TTC6: variants seen among roughly 807,000 people sequenced by gnomAD.
TTC6 encodes the protein tetratricopeptide repeat protein 6.
A neutral mutation model predicts 210.4 loss-of-function variants in TTC6; 172 were observed. That is an observed-to-expected ratio of 0.82 (90% confidence interval 0.72 to 0.93). The LOEUF is 0.93. Ranked by LOEUF, TTC6 falls within the 40% of genes least tolerant of loss-of-function variation. The pLI, the probability that TTC6 is intolerant of heterozygous loss-of-function variation, is 0.00. For synonymous variants in TTC6, 804 were observed against 819.6 expected, an observed-to-expected ratio of 0.98 and a Z score of 0.32; for missense variants, 2,414 against 2,318.1, an observed-to-expected ratio of 1.04 and a Z score of -0.85.
chr14:37,748,952 G>C, exon 11 of TTC6: 7 of 1,487,478 alleles, frequency 4.7e-6, no homozygotes, highest in Non-Finnish European at 6.2e-6. Context: ...AGCATCTCAT[G>C]GAATACTTCC....
At chr14:37,782,115 CTT>C (rs1187687681) in intron 14 of TTC6, among the ~76,000 whole-genome samples, 1 of 152,042 alleles carries the variant, frequency 6.6e-6, no homozygotes, top group East Asian at 1.9e-4. Context: ...TGCGGGCTCT[CTT>C]TTGGTTCCAT....
chr14:37,780,787 A>G (rs553141531), intron 14 of TTC6, among the ~76,000 whole-genome samples: 1 of 151,810 alleles, frequency 6.6e-6, no homozygotes, highest in African/African-American at 2.4e-5. Flanking sequence ...CTAGCCTCCC[A>G]CCCACCATGG....
At chr14:37,644,612 G>A (rs1270508007) in intron 1 of TTC6, among the ~76,000 whole-genome samples, 3 of 152,178 alleles carry the variant, frequency 2.0e-5, no homozygotes, top group Admixed American at 6.5e-5. Context: ...AAATAACGAG[G>A]TAGTTTCTGA....
upstream of TTC6, among the ~76,000 whole-genome samples, chr14:37,621,231 C>A (rs1463476329): frequency 6.6e-6 from 1 of 152,156 alleles, no homozygotes; most frequent in East Asian, 1.9e-4. Context: ...ACAGACCCTT[C>A]ATTTTTCTTT....
chr14:37,781,731 G>A (rs1474088654), intron 14 of TTC6, among the ~76,000 whole-genome samples: 1 of 152,104 alleles, frequency 6.6e-6, no homozygotes, highest in African/African-American at 2.4e-5. Flanking sequence ...TAATGCCTAG[G>A]TTTTCTTCTA....
At position 37,606,937 on chromosome 14, in the gene TTC6, A is replaced by G. The variant is rs1431668439; in HGVS notation, c.-155+195A>G. ...TGAGTTTATTTGCATTACATTTGCC[A>G]TTTTAATTTGCTGATTTGCATTTGA... On this transcript the variant is annotated intron_variant, in intron 2 of 2. Transcript: ENST00000556845. Among the ~76,000 whole-genome samples the G allele has an allele frequency of 2.6e-5, 4 of 152,204 alleles. No homozygotes were observed. In the East Asian group the frequency reaches 7.7e-4, roughly 29 times the overall value.
intron 1 of TTC6, among the ~76,000 whole-genome samples, chr14:37,602,201 G>A (rs2095616958): frequency 6.6e-6 from 1 of 152,224 alleles, no homozygotes; most frequent in Non-Finnish European, 1.5e-5. Context: ...CCTCTTAGCT[G>A]GCCGTGGCGG....
chr14:37,730,590 CCTTT>C (rs551613871), intron 7 of TTC6, among the ~76,000 whole-genome samples: 216 of 152,232 alleles, frequency 1.4e-3, no homozygotes, highest in Non-Finnish European at 2.4e-3. Context: ...TACATCATTT[CCTTT>C]CTTCTAATCA....
At chr14:37,626,846 A>C (rs1017401862) in intron 1 of TTC6, among the ~76,000 whole-genome samples, 1 of 152,210 alleles carries the variant, frequency 6.6e-6, no homozygotes, top group Non-Finnish European at 1.5e-5. Context: ...ACTCCAGCTA[A>C]ATACTGCGGA....
intron 1 of TTC6, among the ~76,000 whole-genome samples, chr14:37,677,073 A>T (rs962145127): frequency 6.6e-6 from 1 of 151,936 alleles, no homozygotes; most frequent in Non-Finnish European, 1.5e-5. Flanking sequence ...GAATTTTAGG[A>T]TCAGTTTTTC....
At chr14:37,605,352 T>A (rs2095623209) in intron 1 of TTC6, among the ~76,000 whole-genome samples, 1 of 152,212 alleles carries the variant, frequency 6.6e-6, no homozygotes, top group African/African-American at 2.4e-5. Context: ...AGTTTCTGAA[T>A]TCTGCTTCAC....
intron 1 of TTC6, among the ~76,000 whole-genome samples, chr14:37,670,834 A>G (rs1266883562): frequency 6.6e-6 from 1 of 152,124 alleles, no homozygotes; most frequent in Admixed American, 6.6e-5. Context: ...GCTAAGAAAA[A>G]TTATGCAATA....
At chr14:37,603,977 C>A (rs1055559354) in intron 1 of TTC6, among the ~76,000 whole-genome samples, 2 of 152,142 alleles carry the variant, frequency 1.3e-5, no homozygotes, top group Non-Finnish European at 2.9e-5. Flanking sequence ...AATGAGTATG[C>A]AATAAGTGGC....
At chr14:37,725,110 C>A in intron 7 of TTC6, 108 bp downstream of exon 9, 1 of 541,342 alleles carries the variant, frequency 1.8e-6, no homozygotes. Flanking sequence ...ATGTAAATTA[C>A]CAGTTATTGC....
intron 5 of TTC6, among the ~76,000 whole-genome samples, chr14:37,709,137 C>T (rs185071681): frequency 6.6e-6 from 1 of 151,944 alleles, no homozygotes; most frequent in African/African-American, 2.4e-5. Flanking sequence ...TAATCCTGGC[C>T]CCACCCCTAC....
chr14:37,786,680 A>G (rs948567701), intron 14 of TTC6, among the ~76,000 whole-genome samples: 3 of 152,172 alleles, frequency 2.0e-5, no homozygotes, highest in Admixed American at 6.5e-5. Context: ...CCGGTACCTC[A>G]GTTGGAAATG....
intron 1 of TTC6, among the ~76,000 whole-genome samples, chr14:37,664,751 A>G (rs1483162183): frequency 6.6e-6 from 1 of 150,696 alleles, no homozygotes; most frequent in African/African-American, 2.4e-5. Context: ...CAATCTATCC[A>G]TCTGACAAAA....
chr14:37,616,639 G>A (rs779814192), intron 2 of TTC6, among the ~76,000 whole-genome samples: 1 of 151,694 alleles, frequency 6.6e-6, no homozygotes, highest in African/African-American at 2.4e-5. Flanking sequence ...GGAGCTTGCG[G>A]TGAGCGAAGA....
At chr14:37,689,203 G>T (rs900012025) in intron 3 of TTC6, among the ~76,000 whole-genome samples, 2 of 151,914 alleles carry the variant, frequency 1.3e-5, no homozygotes, top group Non-Finnish European at 2.9e-5. Flanking sequence ...TCTTTTAGTG[G>T]CAGAACTGAT....
Sources: allele counts gnomAD v4.1 joint callset (sites outside exome capture counted in the v4.1 genomes callset), GRCh38; gene constraint gnomAD v4.1.1; transcripts MANE v1.5; gene names NCBI Gene and HGNC (gene_info 2026-07-23, HGNC 2026-07-21).